The following RSBN1 variants were observed in gnomAD, a reference collection of about 807,000 sequenced individuals.
RSBN1 encodes lysine-specific demethylase 9.
RSBN1 carries 23 observed loss-of-function variants against 74.8 expected under a neutral mutation model. That is an observed-to-expected ratio of 0.31 (90% CI 0.22 to 0.44). The LOEUF is 0.44. Among genes scored for constraint, RSBN1 ranks in the 20% least tolerant of loss-of-function variants. The pLI is 1.00. For synonymous variants in RSBN1, 407 were observed against 379.6 expected (o/e 1.07, Z -0.84); for missense variants, 808 against 1,020.9 (o/e 0.79, Z 2.84).
In RSBN1 at chr1:113,777,820, C is replaced by A. The variant is rs1399911492; in HGVS notation, c.1378-12G>T. ...TATGTCCTGTTGACCTAAGATAAAA[C>A]AAAAGAGGGAAAAATGGACTGAGGT... On this transcript the variant is annotated splice_polypyrimidine_tract_variant and intron_variant, in intron 2 of 6. Transcript: ENST00000261441. 7 of 1,527,610 alleles carry A rather than the reference C, an allele frequency of 4.6e-6. No individual in the cohort carries two copies. The Admixed American group carries it at 5.9e-5, about 13-fold the overall frequency. The allele number at this position is 1,527,610 out of a possible 1,614,324, so 94.6% of individuals were successfully genotyped here.
chr1:113,808,543 A>C (rs377282872), intron 1 of RSBN1, among the ~76,000 whole-genome samples: 1 of 152,238 alleles, frequency 6.6e-6, no homozygotes, highest in African/African-American at 2.4e-5. Flanking sequence ...TTTTCATAGA[A>C]GCTCTATCTA....
At position 113,811,985 on chromosome 1, in the gene RSBN1, A is replaced by G; in HGVS notation, c.428T>C (p.Leu143Pro). 1 of 1,560,878 alleles carries G rather than the reference A, an allele frequency of 6.4e-7. No homozygotes were observed. The highest frequency in any genetic ancestry group is 2.3e-5 in the East Asian group (1 of 43,106). Reference protein sequence around the residue: ...TVPGPVEPLLLPPPPPPSLAP... With the variant: ...TVPGPVEPLLPPPPPPPSLAP... ...CAGCGAAGGTGGCGGCGGAGGCGGC[A>G]GGAGAAGAGGCTCAACAGGGCCTGG... is the stretch of plus-strand genomic sequence containing the variant. Residue 143 changes from leucine to proline, a missense_variant, in exon 1 of 7, where the codon CTG (leucine) becomes CCG (proline). By Grantham distance (98) the Leu-to-Pro change is moderately conservative (BLOSUM62 -3). Coordinates refer to ENST00000261441, the MANE Select transcript of RSBN1 (RefSeq NM_018364.5).
intron 2 of RSBN1, among the ~76,000 whole-genome samples, chr1:113,783,104 A>G (rs1008061543): frequency 3.9e-5 from 6 of 152,212 alleles, no homozygotes; most frequent in African/African-American, 1.4e-4. Context: ...ACCACTCACA[A>G]AAGAAATCAA....
intron 1 of RSBN1, among the ~76,000 whole-genome samples, chr1:113,799,150 T>G (rs1406548853): frequency 6.6e-6 from 1 of 152,216 alleles, no homozygotes; most frequent in East Asian, 1.9e-4. Context: ...ATCCAAACAT[T>G]TAAGTACCTA....
chr1:113,804,360 C>T lies in RSBN1; in HGVS notation c.704-6324G>A, dbSNP rs572757534. Among the ~76,000 whole-genome samples, 51 of 152,218 alleles carry T rather than the reference C, an allele frequency of 3.4e-4. 1 individual carries two copies. The highest frequency in any genetic ancestry group is 2.1e-4 in the South Asian group (1 of 4,822). On this transcript the variant is annotated intron_variant, in intron 1 of 6. Transcript: ENST00000261441. ...TTTTAATCCTCAAACCAATGAAGTACGGAGAAAGAAACAGCCTGAAACAAG... is the reference window on the plus strand; with the variant it reads ...TTTTAATCCTCAAACCAATGAAGTATGGAGAAAGAAACAGCCTGAAACAAG...
At position 113,768,385 on chromosome 1, in the gene RSBN1, T is replaced by C. The variant is rs761519603; in HGVS notation, c.1663A>G (p.Met555Val). 1.9e-6 allele frequency: 3 copies of C among 1,600,750 alleles called. No individual in the cohort carries two copies. The highest frequency in any genetic ancestry group is 1.7e-5 in the Admixed American group (1 of 57,910). ...TACTGGAGATTTTTTATTTCATTCA[T>C]TGATCTAGAGTTGATTTGGTTGTTA... Reference protein sequence around the residue: ...PKSPFKRRRSMNEIKNLQYLP... With the variant: ...PKSPFKRRRSVNEIKNLQYLP... The change falls in exon 5 of 7, where the codon ATG (methionine) becomes GTG (valine). Residue 555 changes from methionine to valine, a missense_variant. Transcript: ENST00000261441.
At chr1:113,802,471 T>C (rs923930408) in intron 1 of RSBN1, among the ~76,000 whole-genome samples, 2 of 152,196 alleles carry the variant, frequency 1.3e-5, no homozygotes, top group African/African-American at 2.4e-5. Context: ...TTGAGAGTTC[T>C]TCCAGTTCTA....
chr1:113,769,555 C>CT (rs916671947), intron 4 of RSBN1, among the ~76,000 whole-genome samples: 48 of 152,210 alleles, frequency 3.2e-4, no homozygotes, highest in African/African-American at 1.1e-3. Context: ...TTGTTTTCTG[C>CT]TTTTTTATGT....
intron 2 of RSBN1, among the ~76,000 whole-genome samples, chr1:113,786,881 G>C (rs1660254504): frequency 6.6e-6 from 1 of 152,136 alleles, no homozygotes; most frequent in African/African-American, 2.4e-5. Context: ...CTATCTTGCT[G>C]AACAGAGCTC....
At chr1:113,788,062 AAAC>A (rs1410197967) in intron 2 of RSBN1, among the ~76,000 whole-genome samples, 1 of 152,172 alleles carries the variant, frequency 6.6e-6, no homozygotes, top group Non-Finnish European at 1.5e-5. Flanking sequence ...TGTATCCATG[AAAC>A]AATAGGAAGT....
chr1:113,786,472 G>A (rs931166003), intron 2 of RSBN1, among the ~76,000 whole-genome samples: 6 of 152,104 alleles, frequency 3.9e-5, no homozygotes, highest in Admixed American at 6.5e-5. Flanking sequence ...GTAATAACAC[G>A]TGTCTTTTAA....
In RSBN1 at chr1:113,762,957, A is replaced by C. The variant is rs1021314496; in HGVS notation, c.*3023T>G. ...TCTTTCACTAAAAAATAATAAAAGTACCAGTTAAACAAATTCTAAGTACTG... is the reference window on the plus strand; with the variant it reads ...TCTTTCACTAAAAAATAATAAAAGTCCCAGTTAAACAAATTCTAAGTACTG... On this transcript the variant is annotated 3_prime_UTR_variant, in exon 7 of 7. Transcript: ENST00000261441. 2.0e-5 allele frequency: 3 copies of C among 152,798 alleles called. No individual in the cohort carries two copies. Among genetic ancestry groups the C allele is most frequent in the Non-Finnish European group, 4.4e-5 (3 of 68,030 alleles). 9.5% of individuals were successfully genotyped at this position (152,798 alleles called of 1,614,324 possible).
rs748485462 is a variant in RSBN1 at position 113,811,831 on chromosome 1, G to T, written c.582C>A (p.His194Gln). 2 of 1,613,822 alleles carry T rather than the reference G, an allele frequency of 1.2e-6. No homozygotes were observed. The highest frequency in any genetic ancestry group is 3.3e-5 in the Admixed American group (2 of 60,002). ...CACCATCGGGGCCGCGGTGGTGATG[G>T]TGCTTGTGCCGCTCCTTGTGGCCCT... is the stretch of plus-strand genomic sequence containing the variant. ...KHKGHKERHK[H>Q]HHHRGPDGDP... Residue 194 changes from histidine (H) to glutamine (Q), a missense_variant, in exon 1 of 7, where the codon CAC becomes CAA. This residue lies in a region of RSBN1 where 464 missense variants were observed against 401.0 expected (regional missense o/e 1.16). Coordinates refer to ENST00000261441, the MANE Select transcript of RSBN1 (RefSeq NM_018364.5).
In RSBN1 at chr1:113,811,726, G is replaced by T; in HGVS notation, c.687C>A (p.Ile229=). 6.2e-7 allele frequency: 1 copy of T among 1,602,164 alleles called. No homozygotes were observed. Among genetic ancestry groups the T allele is most frequent in the South Asian group, 1.1e-5 (1 of 89,220 alleles). ...NGERTGGVPL[I]KAPKRETPDE... is the part of the protein sequence containing the mutation. ...TGCTCTCACCTCTCTTGGGGGCTTT[G>T]ATCAGAGGCACCCCTCCAGTCCTCT... The change falls in exon 1 of 7, where the codon ATC becomes ATA. Residue 229 remains isoleucine, a synonymous_variant. Coordinates refer to ENST00000261441, the MANE Select transcript of RSBN1 (RefSeq NM_018364.5).
At chr1:113,800,686 G>C (rs1463400945) in intron 1 of RSBN1, among the ~76,000 whole-genome samples, 2 of 152,028 alleles carry the variant, frequency 1.3e-5, no homozygotes, top group Non-Finnish European at 2.9e-5. Flanking sequence ...CACCAAGAAA[G>C]AACTGCGTTG....
chr1:113,781,579 C>G (rs925731175), intron 2 of RSBN1, among the ~76,000 whole-genome samples: 2 of 152,194 alleles, frequency 1.3e-5, no homozygotes, highest in East Asian at 1.9e-4. Flanking sequence ...ACTTAAAACT[C>G]TGCCTCAGAT....
At chr1:113,804,932 A>G (rs892359418) in intron 1 of RSBN1, among the ~76,000 whole-genome samples, 1 of 151,246 alleles carries the variant, frequency 6.6e-6, no homozygotes, top group Non-Finnish European at 1.5e-5. Context: ...AAATGAGATA[A>G]GAAAGATGAC....
intron 2 of RSBN1, chr1:113,796,240 G>A (rs1360377487): frequency 6.6e-6 from 1 of 152,178 alleles, no homozygotes; most frequent in Admixed American, 6.5e-5. Flanking sequence ...TGCACATGGT[G>A]TTCCAACATC....
At position 113,764,399 on chromosome 1, in the gene RSBN1, C is replaced by T. The variant is rs986912042; in HGVS notation, c.*1581G>A. ...AGGAATAATACAGATTCTAACTAAT[C>T]ACTGCAGTATTTGCTGATGGTTACT... On this transcript the variant is annotated 3_prime_UTR_variant, in exon 7 of 7. Coordinates refer to ENST00000261441, the MANE Select transcript of RSBN1 (RefSeq NM_018364.5). The T allele has an allele frequency of 6.6e-6, 1 of 152,642 alleles. No homozygotes were observed. The highest frequency in any genetic ancestry group is 1.5e-5 in the Non-Finnish European group (1 of 68,008). 9.5% of individuals were successfully genotyped at this position (152,642 alleles called of 1,614,324 possible).
Sources: gnomAD v4.1 joint callset for allele counts (sites outside exome capture counted in the v4.1 genomes callset) on GRCh38, gnomAD v4.1.1 for gene constraint, gnomAD v4.1.1 regional missense constraint, MANE v1.5 for transcripts, NCBI Gene and HGNC (gene_info 2026-07-23, HGNC 2026-07-21) for gene names.